Variants in LARGE1 observed in about 807,000 individuals in gnomAD.
LARGE1 encodes LARGE xylosyl- and glucuronyltransferase 1, also known as xylosyl- and glucuronyltransferase LARGE1.
LARGE1 carries 43 observed loss-of-function variants against 87.6 expected under a neutral mutation model. The ratio of observed to expected loss-of-function variants is 0.49; its 90% CI spans 0.38 to 0.63. The LOEUF is 0.63. Among genes scored for constraint, LARGE1 ranks in the 30% least tolerant of loss-of-function variants. The probability of loss-of-function intolerance (pLI) is 0.00; values close to 1 mark genes in which losing one functional copy is unlikely to be tolerated. For synonymous variants in LARGE1, 434 were observed against 394.6 expected (o/e 1.10, Z -1.18); for missense variants, 802 against 1,000.2 (o/e 0.80, Z 2.67).
intron 9 of LARGE1, among the ~76,000 whole-genome samples, chr22:33,358,548 A>G (rs1267652243): frequency 1.3e-5 from 2 of 152,140 alleles, no homozygotes; most frequent in Non-Finnish European, 2.9e-5. Context: ...AATGCTATAA[A>G]TTGCCCCTAA....
At chr22:33,443,996 C>T (rs938758296) in intron 6 of LARGE1, among the ~76,000 whole-genome samples, 5 of 152,244 alleles carry the variant, frequency 3.3e-5, no homozygotes, top group African/African-American at 9.6e-5. Flanking sequence ...AATTTGTTGG[C>T]ATCTTTTAGA....
At chr22:33,580,011 T>C (rs2078467444) in intron 5 of LARGE1, among the ~76,000 whole-genome samples, 2 of 152,230 alleles carry the variant, frequency 1.3e-5, no homozygotes, top group African/African-American at 4.8e-5. Flanking sequence ...GCACGAGCAC[T>C]GTCTTCAATA....
the LARGE1 span, among the ~76,000 whole-genome samples, chr22:33,113,931 T>A: frequency 1.3e-5 from 2 of 151,684 alleles, no homozygotes; most frequent in African/African-American, 2.4e-5. Flanking sequence ...AGTGCAGTGT[T>A]GCGATCTTGG....
intron 6 of LARGE1, among the ~76,000 whole-genome samples, chr22:33,538,677 C>T (rs905078479): frequency 6.6e-6 from 1 of 152,126 alleles, no homozygotes; most frequent in Non-Finnish European, 1.5e-5. Context: ...AGGCTCCCCC[C>T]ACCACGTGGC....
the LARGE1 span, among the ~76,000 whole-genome samples, chr22:33,089,371 CCTTCTTCTTCTTCTTCCTCT>C: frequency 7.9e-5 from 6 of 76,096 alleles, no homozygotes; most frequent in African/African-American, 3.8e-4. Context: ...TTCTTCTTCT[CCTTCTTCTTCTTCTTCCTCT>C]TCTTCTTCTT....
chr22:33,274,376 A>G lies in LARGE1; in HGVS notation c.*51T>C. 1 of 1,575,538 alleles carries G rather than the reference A, an allele frequency of 6.3e-7. No individual in the cohort carries two copies. Among genetic ancestry groups the G allele is most frequent in the Non-Finnish European group, 8.7e-7 (1 of 1,144,928 alleles). ...TTTGAAGGCCGGGCCCCAAACAGCG[A>G]GTGGCACTTCCCCTACAGCATGTCT... On this transcript the variant is annotated 3_prime_UTR_variant, in exon 15 of 15. Transcript: ENST00000397394.
intron 12 of LARGE1, among the ~76,000 whole-genome samples, chr22:33,287,989 A>G (rs946943717): frequency 6.6e-6 from 1 of 152,126 alleles, no homozygotes; most frequent in African/African-American, 2.4e-5. Context: ...GCACTTGAAA[A>G]ATATGTTGAT....
chr22:33,154,939 G>A, the LARGE1 span, among the ~76,000 whole-genome samples: 13 of 152,176 alleles, frequency 8.5e-5, no homozygotes, highest in African/African-American at 1.9e-4. Flanking sequence ...CATGAGATCC[G>A]ATGGTTTTAA....
chr22:33,129,062 C>A, the LARGE1 span, among the ~76,000 whole-genome samples: 4 of 152,250 alleles, frequency 2.6e-5, no homozygotes, highest in Non-Finnish European at 5.9e-5. Context: ...CCTGCATATC[C>A]TGCACATGTA....
At chr22:33,646,136 G>A (rs1430790571) in intron 3 of LARGE1, among the ~76,000 whole-genome samples, 2 of 152,150 alleles carry the variant, frequency 1.3e-5, no homozygotes, top group South Asian at 2.1e-4. Context: ...ACACACACAC[G>A]TATGTTAACT....
intron 1 of LARGE1, among the ~76,000 whole-genome samples, chr22:33,793,952 A>T (rs1001241633): frequency 6.6e-6 from 1 of 152,146 alleles, no homozygotes; most frequent in African/African-American, 2.4e-5. Context: ...CCAAAAGAAT[A>T]TGTTTTCATT....
chr22:33,275,380 C>G (rs1929034991), intron 14 of LARGE1, among the ~76,000 whole-genome samples: 1 of 152,158 alleles, frequency 6.6e-6, no homozygotes, highest in Non-Finnish European at 1.5e-5. Flanking sequence ...TATTGTCTGA[C>G]AAGCTTTTGT....
the LARGE1 span, among the ~76,000 whole-genome samples, chr22:33,129,703 G>A: frequency 1.3e-5 from 2 of 152,304 alleles, no homozygotes; most frequent in Non-Finnish European, 1.5e-5. Context: ...TACAATCATG[G>A]TGGAAGGCAA....
chr22:33,661,832 C>T (rs1230816790), intron 2 of LARGE1, among the ~76,000 whole-genome samples: 3 of 152,056 alleles, frequency 2.0e-5, no homozygotes, highest in Non-Finnish European at 4.4e-5. Context: ...CTATGGTGTT[C>T]TGCTGTCCTC....
chr22:33,586,602 C>T (rs1161311293), intron 5 of LARGE1, among the ~76,000 whole-genome samples: 2 of 152,188 alleles, frequency 1.3e-5, no homozygotes, highest in African/African-American at 2.4e-5. Context: ...GGACTACAGG[C>T]GCCCACCACC....
the LARGE1 span, among the ~76,000 whole-genome samples, chr22:33,122,853 C>G: frequency 6.6e-6 from 1 of 152,194 alleles, no homozygotes; most frequent in African/African-American, 2.4e-5. Flanking sequence ...TTTCCACCAT[C>G]TCTGTCAACT....
chr22:33,448,401 T>G (rs973749660), intron 6 of LARGE1, among the ~76,000 whole-genome samples: 2 of 152,234 alleles, frequency 1.3e-5, no homozygotes, highest in Non-Finnish European at 2.9e-5. Context: ...ATATACAATT[T>G]TATTTGTTAA....
the LARGE1 span, among the ~76,000 whole-genome samples, chr22:33,087,350 G>T: frequency 6.6e-6 from 1 of 152,048 alleles, no homozygotes; most frequent in African/African-American, 2.4e-5. Flanking sequence ...CACAGTAATT[G>T]GAGTTGTTAA....
chr22:33,376,059 T>G (rs1005497694), intron 9 of LARGE1, among the ~76,000 whole-genome samples: 2 of 152,226 alleles, frequency 1.3e-5, no homozygotes, highest in Non-Finnish European at 2.9e-5. Flanking sequence ...GAAAAAGTTA[T>G]GTTTCTGTTC....
Sources: allele counts gnomAD v4.1 joint callset (sites outside exome capture counted in the v4.1 genomes callset), GRCh38; gene constraint gnomAD v4.1.1; transcripts MANE v1.5; gene names NCBI Gene and HGNC (gene_info 2026-07-23, HGNC 2026-07-21).